DACT2: variants seen among roughly 807,000 people sequenced by gnomAD.
DACT2 encodes dishevelled binding antagonist of beta catenin 2.
DACT2 carries 20 observed loss-of-function variants against 22.2 expected under a neutral mutation model. That is an observed-to-expected ratio of 0.90 (90% CI 0.63 to 1.31). The LOEUF (loss-of-function observed/expected upper bound fraction) is 1.31, where lower values mean the gene tolerates loss of function less well. DACT2 is among the 50% of genes most tolerant of loss of function. The pLI, the probability that DACT2 is intolerant of heterozygous loss-of-function variation, is 0.00. For synonymous variants in DACT2, 463 were observed against 479.8 expected, an observed-to-expected ratio of 0.96 and a Z score of 0.46; for missense variants, 1,048 against 1,061.4, an observed-to-expected ratio of 0.99 and a Z score of 0.18.
At chr6:168,309,134 G>T in intron 3 of DACT2, 36 bp from the exon 4 acceptor site, 1 of 1,477,518 alleles carries the variant, frequency 6.8e-7, no homozygotes, top group Non-Finnish European at 9.0e-7. Context: ...ACGTAACTAC[G>T]GAGACGATTT....
chr6:168,309,407 A>AGGGTGCG (rs1779331685), intron 3 of DACT2, among the ~76,000 whole-genome samples: 2 of 66,704 alleles, frequency 3.0e-5, no homozygotes, highest in African/African-American at 6.0e-5. Context: ...GACACCGCAC[A>AGGGTGCG]GGGCCGTTTG....
chr6:168,319,272 G>A lies in DACT2; in HGVS notation c.246+116C>T, dbSNP rs2114922619. 5.2e-6 allele frequency: 5 copies of A among 967,400 alleles called. No homozygotes were observed. The East Asian group carries it at 2.1e-4, about 41-fold the overall frequency. The allele number at this position is 967,400 out of a possible 1,614,324, so 59.9% of individuals were successfully genotyped here. A position where few individuals can be genotyped will look rare whatever the true frequency, so the allele number is the denominator to read the frequency against. On this transcript the variant is annotated intron_variant, in intron 1 of 3. Transcript: ENST00000366795. ...ACTGCATTCCATTCAAATCCCAAAG[G>A]ACGTCCCCTCCATCCATCAGACACC...
chr6:168,299,721 C>G (rs1167105514), intron 3 of DACT2: 2 of 152,348 alleles, frequency 1.3e-5, no homozygotes, highest in Admixed American at 1.3e-4. Context: ...GTGCCAACTC[C>G]TGGGCACTGC....
At chr6:168,314,380 T>A (rs992533577) in intron 1 of DACT2, among the ~76,000 whole-genome samples, 1 of 152,164 alleles carries the variant, frequency 6.6e-6, no homozygotes, top group African/African-American at 2.4e-5. Flanking sequence ...CTCCAGGCAG[T>A]GGGATCAGCT....
chr6:168,318,728 C>A (rs1210576049), intron 1 of DACT2, among the ~76,000 whole-genome samples: 1 of 152,086 alleles, frequency 6.6e-6, no homozygotes, highest in Non-Finnish European at 1.5e-5. Context: ...CCAGGGAGTG[C>A]TGAAGAGGGC....
At position 168,308,005 on chromosome 6, in the gene DACT2, C is replaced by T. The variant is rs551231526; in HGVS notation, c.1752G>A (p.Arg584=). 6.2e-4 allele frequency: 956 copies of T among 1,550,838 alleles called. 9 individuals carry two copies. The South Asian group carries it at 1.0e-2, about 16-fold the overall frequency. The change falls in exon 4 of 4, where the codon CGG becomes CGA. Residue 584 remains arginine, a synonymous_variant. Coordinates refer to ENST00000366795, the MANE Select transcript of DACT2 (RefSeq NM_214462.5). The part of the protein sequence containing the change: ...PLAVAPQESH[R]TSAQALFPFE... ...AGGGGAACAGGGCTTGGGCTGAGGT[C>T]CGGTGGCTCTCCTGCGGGGCCACTG...
chr6:168,310,117 C>T, intron 3 of DACT2, 51 bp downstream of exon 3: 2 of 1,542,224 alleles, frequency 1.3e-6, no homozygotes, highest in Admixed American at 2.0e-5. Context: ...CTGCACTCTG[C>T]CATCCCCTGT....
At chr6:168,299,494 T>C (rs1779065888) in intron 3 of DACT2, 1 of 152,222 alleles carries the variant, frequency 6.6e-6, no homozygotes, top group South Asian at 2.1e-4. Flanking sequence ...AGTGAATAAA[T>C]GAATATAAAT....
Position 168,316,156 on chromosome 6 carries a change from C to T in DACT2, c.246+3232G>A, listed in dbSNP as rs376920302. ...AGGCTACTTGTAATTAGAGACTGAG[C>T]GCTTGCAAGTTTGATTTGTATATTT... On this transcript the variant is annotated intron_variant, in intron 1 of 3. Transcript: ENST00000366795. 2.4e-4 allele frequency among the ~76,000 whole-genome samples: 36 copies of T among 152,374 alleles called. No homozygotes were observed. In the South Asian group the frequency reaches 5.6e-3, roughly 24 times the overall value.
chr6:168,295,240 T>C (rs1035704873), intron 3 of DACT2, among the ~76,000 whole-genome samples: 2 of 152,236 alleles, frequency 1.3e-5, no homozygotes, highest in African/African-American at 4.8e-5. Context: ...GCAGATATAA[T>C]ACCAGTATTT....
chr6:168,310,123 CCT>C, intron 3 of DACT2, 43 bp downstream of exon 3: 1 of 1,543,908 alleles, frequency 6.5e-7, no homozygotes, highest in Non-Finnish European at 8.7e-7. Context: ...TCTGCCATCC[CCT>C]GTGCCTGAGA....
In DACT2 at chr6:168,311,273, T is replaced by A. The variant is rs1018427022; in HGVS notation, c.258A>T (p.Arg86Ser). 1 of 1,547,730 alleles carries A rather than the reference T, an allele frequency of 6.5e-7. No individual in the cohort carries two copies. Among genetic ancestry groups the A allele is most frequent in the African/African-American group, 1.4e-5 (1 of 72,956 alleles). ...GGGTCTTCAGGCCGATGTCCTGTTG[T>A]CTCAGCCGGGACTGAGAAGGGAAAG... is the stretch of plus-strand genomic sequence containing the variant. The part of the protein sequence containing the change: ...AALQEQLSRL[R>S]QQDIGLKTHL... The change falls in exon 2 of 4, where the codon AGA becomes AGT. Residue 86 changes from arginine to serine, a missense_variant. Transcript: ENST00000366795.
downstream of DACT2, among the ~76,000 whole-genome samples, chr6:168,303,843 A>T (rs1224561828): frequency 6.6e-6 from 1 of 152,212 alleles, no homozygotes; most frequent in Non-Finnish European, 1.5e-5. Flanking sequence ...ATTTTCCCTA[A>T]TATTATAATT....
intron 1 of DACT2, 135 bp downstream of exon 1, chr6:168,319,253 T>G: frequency 2.4e-6 from 2 of 841,120 alleles, no homozygotes; most frequent in Non-Finnish European, 3.1e-6. Flanking sequence ...CCGAACTGCA[T>G]TCCATTCAAA....
rs191740169 is a variant in DACT2, at chr6:168,307,590, C to G, written c.2167G>C (p.Gly723Arg). Residue 723 changes from glycine (G) to arginine (R), a missense_variant, in exon 4 of 4, where the codon GGG (glycine) becomes CGG (arginine). Gly to Arg is a moderately radical substitution (Grantham distance 125, BLOSUM62 -2). Coordinates refer to ENST00000366795, the MANE Select transcript of DACT2 (RefSeq NM_214462.5). The surrounding 1 kb of genome is among the most constrained non-coding windows in gnomAD (Gnocchi z 5.3). ...CDLALGYVAAGHAELAWTQEA... is the reference protein window; with the variant it reads ...CDLALGYVAARHAELAWTQEA... ...TGGGTCCAGGCCAGCTCCGCATGCC[C>G]GGCCGCCACATAGCCCAGTGCCAGG... The G allele has an allele frequency of 1.9e-6, 3 of 1,549,522 alleles. No individual in the cohort carries two copies. In the South Asian group the frequency reaches 3.6e-5, roughly 18 times the overall value.
At chr6:168,302,770 G>A (rs1247841480), downstream of DACT2, among the ~76,000 whole-genome samples, 2 of 152,190 alleles carry the variant, frequency 1.3e-5, no homozygotes, top group Non-Finnish European at 2.9e-5. Flanking sequence ...TGGTAACTGA[G>A]TGAATGAAAG....
At chr6:168,294,943 C>G (rs1049379396) in intron 3 of DACT2, among the ~76,000 whole-genome samples, 1 of 152,194 alleles carries the variant, frequency 6.6e-6, no homozygotes, top group Admixed American at 6.5e-5. Flanking sequence ...GAAACCGTGG[C>G]ATGAAAAGGA....
downstream of DACT2, among the ~76,000 whole-genome samples, chr6:168,302,626 G>A (rs1779130707): frequency 6.6e-6 from 1 of 152,198 alleles, no homozygotes; most frequent in African/African-American, 2.4e-5. Flanking sequence ...GTGAGGGAAG[G>A]GTTTGCAGCA....
At chr6:168,310,083 G>T in intron 3 of DACT2, 85 bp downstream of exon 3, 1 of 1,507,538 alleles carries the variant, frequency 6.6e-7, no homozygotes. Flanking sequence ...TAGGGTCCCC[G>T]GCTCTGCCCT....
Sources: gnomAD v4.1 joint callset for allele counts (sites outside exome capture counted in the v4.1 genomes callset) on GRCh38, gnomAD v4.1.1 for gene constraint, Gnocchi (gnomAD v3.1) non-coding constraint, MANE v1.5 for transcripts, NCBI Gene and HGNC (gene_info 2026-07-23, HGNC 2026-07-21) for gene names.